Variants in STT3B observed in about 807,000 individuals in gnomAD.
The protein encoded by STT3B is dolichyl-diphosphooligosaccharide--protein glycosyltransferase subunit STT3B.
A neutral mutation model predicts 96.8 loss-of-function variants in STT3B; 29 were observed. The ratio of observed to expected loss-of-function variants is 0.30; its 90% CI spans 0.22 to 0.41. The LOEUF (loss-of-function observed/expected upper bound fraction) is 0.41. STT3B is among the 10% of genes least tolerant of loss of function. The pLI, the probability that STT3B is intolerant of heterozygous loss-of-function variation, is 1.00. For missense variants in STT3B, 640 were observed against 1,022.3 expected (o/e 0.63, Z 5.10); for synonymous variants, 367 against 360.0 (o/e 1.02, Z -0.22).
intron 3 of STT3B, among the ~76,000 whole-genome samples, chr3:31,583,639 CATGTAGTTGG>C (rs150877750): frequency 2.0e-5 from 3 of 152,292 alleles, no homozygotes; most frequent in African/African-American, 7.2e-5. Context: ...TACATAACTG[CATGTAGTTGG>C]ATCATGTGTT....
rs538541023 is a variant in STT3B, at chr3:31,606,970, T to G, written c.877+6511T>G. On this transcript the variant is annotated intron_variant, in intron 5 of 15. Transcript: ENST00000295770. ...ATCAGCGTGACCTGGATGTGAGACA[T>G]GGAGTCAAGGGAGATCATTTTGGAG... is the stretch of plus-strand genomic sequence containing the variant. Among the ~76,000 whole-genome samples, 8 of 152,278 alleles carry G rather than the reference T, an allele frequency of 5.3e-5. No homozygotes were observed. The South Asian group carries it at 1.7e-3, about 32-fold the overall frequency.
At chr3:31,627,582 A>G (rs1382830054) in intron 13 of STT3B, among the ~76,000 whole-genome samples, 3 of 152,266 alleles carry the variant, frequency 2.0e-5, no homozygotes, top group African/African-American at 7.2e-5. Flanking sequence ...GATCCAGAAT[A>G]AAGGAATCTT....
rs149697951 is a variant in STT3B at position 31,580,247 on chromosome 3, A to G, written c.711+151A>G. 131 of 727,254 alleles carry G rather than the reference A, an allele frequency of 1.8e-4. 1 individual carries two copies. In the East Asian group the frequency reaches 3.4e-3, roughly 19 times the overall value. 45.1% of individuals were successfully genotyped at this position (727,254 alleles called of 1,614,324 possible). ...CATAATCAATTTAATAATGGATAACATTTTAAAATATGTTAGGCATCTCTC... is the reference window on the plus strand; with the variant it reads ...CATAATCAATTTAATAATGGATAACGTTTTAAAATATGTTAGGCATCTCTC... On this transcript the variant is annotated intron_variant, in intron 3 of 15. Coordinates refer to ENST00000295770, the MANE Select transcript of STT3B (RefSeq NM_178862.3).
intron 1 of STT3B, among the ~76,000 whole-genome samples, chr3:31,557,339 T>C (rs1346157304): frequency 6.6e-6 from 1 of 152,200 alleles, no homozygotes; most frequent in African/African-American, 2.4e-5. Context: ...TCATGGTTGC[T>C]TTGGCTATTC....
At chr3:31,595,413 G>A (rs1209530501) in intron 3 of STT3B, among the ~76,000 whole-genome samples, 1 of 152,064 alleles carries the variant, frequency 6.6e-6, no homozygotes, top group Non-Finnish European at 1.5e-5. Flanking sequence ...AGGTGGTGTT[G>A]TTTTCCCCTT....
intron 9 of STT3B, 36 bp from the exon 10 acceptor site, chr3:31,622,061 C>A: frequency 6.4e-7 from 1 of 1,569,944 alleles, no homozygotes. Context: ...GGAACTTTTT[C>A]CCTCCAACAT....
intron 3 of STT3B, among the ~76,000 whole-genome samples, chr3:31,591,349 A>G (rs1698659007): frequency 6.6e-6 from 1 of 152,054 alleles, no homozygotes; most frequent in East Asian, 1.9e-4. Flanking sequence ...CTGGATTTTA[A>G]AAGTTTCATT....
At chr3:31,602,930 G>A (rs1165138847) in intron 5 of STT3B, among the ~76,000 whole-genome samples, 2 of 152,074 alleles carry the variant, frequency 1.3e-5, no homozygotes, top group Non-Finnish European at 2.9e-5. Flanking sequence ...GATAGAGCAA[G>A]TGTTGCTCTT....
At chr3:31,555,021 G>T (rs1697669412) in intron 1 of STT3B, among the ~76,000 whole-genome samples, 1 of 152,084 alleles carries the variant, frequency 6.6e-6, no homozygotes, top group South Asian at 2.1e-4. Flanking sequence ...GGATTCCACT[G>T]ACTGGCCTCT....
At chr3:31,593,167 A>G (rs1322276560) in intron 3 of STT3B, among the ~76,000 whole-genome samples, 2 of 152,192 alleles carry the variant, frequency 1.3e-5, no homozygotes, top group Admixed American at 6.5e-5. Flanking sequence ...GTAAGAATAT[A>G]TTAGGTTGGT....
intron 4 of STT3B, among the ~76,000 whole-genome samples, chr3:31,599,712 G>A (rs376690408): frequency 2.5e-4 from 38 of 152,288 alleles, no homozygotes; most frequent in African/African-American, 9.1e-4. Context: ...TATTGGTTGA[G>A]AATGGAGATT....
chr3:31,606,883 G>A (rs530005870), intron 5 of STT3B, among the ~76,000 whole-genome samples: 1 of 152,326 alleles, frequency 6.6e-6, no homozygotes, highest in African/African-American at 2.4e-5. Flanking sequence ...CCAGGAGGGA[G>A]GCTGTACCCT....
chr3:31,623,861 G>A lies in STT3B; in HGVS notation c.1727G>A (p.Gly576Asp). 6.3e-7 allele frequency: 1 copy of A among 1,580,780 alleles called. No homozygotes were observed. The highest frequency in any genetic ancestry group is 8.6e-7 in the Non-Finnish European group (1 of 1,159,904). Residue 576 changes from glycine (G) to aspartate (D), a missense_variant and splice_region_variant, in exon 11 of 16, where the codon GGC becomes GAC. Coordinates refer to ENST00000295770, the MANE Select transcript of STT3B (RefSeq NM_178862.3). ...GTCCTGGCCTCATACAATCATGATG[G>A]GTAAGAAAATAACTCGGATACAAAA... The part of the protein sequence containing the change: ...SVVLASYNHD[G>D]TRNILDDFRE...
chr3:31,564,097 C>T (rs1281483379), intron 1 of STT3B, among the ~76,000 whole-genome samples: 2 of 152,052 alleles, frequency 1.3e-5, no homozygotes, highest in Non-Finnish European at 2.9e-5. Context: ...TTAATTAAAC[C>T]AGTTACACTA....
intron 3 of STT3B, among the ~76,000 whole-genome samples, chr3:31,591,409 C>A (rs1360395125): frequency 1.3e-5 from 2 of 152,062 alleles, no homozygotes; most frequent in Non-Finnish European, 2.9e-5. Context: ...ACCATCTCTG[C>A]CTTTTTATTG....
Position 31,637,476 on chromosome 3 carries a change from A to C in STT3B, c.*1412A>C, listed in dbSNP as rs1322259940. The C allele has an allele frequency of 6.6e-6, 1 of 152,208 alleles. No homozygotes were observed. Among genetic ancestry groups the C allele is most frequent in the Non-Finnish European group, 1.5e-5 (1 of 68,010 alleles). 9.4% of individuals were successfully genotyped at this position (152,208 alleles called of 1,614,324 possible). A position where few individuals can be genotyped will look rare whatever the true frequency, so the allele number is the denominator to read the frequency against. ...CCTTTACAGAACAATAAAATGGCTG[A>C]ACATTTTCACAAATAGAGTGTAACG... is the stretch of plus-strand genomic sequence containing the variant. On this transcript the variant is annotated 3_prime_UTR_variant, in exon 16 of 16. Coordinates refer to ENST00000295770, the MANE Select transcript of STT3B (RefSeq NM_178862.3).
intron 1 of STT3B, among the ~76,000 whole-genome samples, chr3:31,541,998 A>T (rs976961661): frequency 3.3e-5 from 5 of 152,156 alleles, no homozygotes; most frequent in African/African-American, 4.8e-5. Flanking sequence ...CTTGAGATTT[A>T]AAAAAATTAT....
chr3:31,548,233 T>C (rs1697462793), intron 1 of STT3B, among the ~76,000 whole-genome samples: 1 of 152,178 alleles, frequency 6.6e-6, no homozygotes, highest in African/African-American at 2.4e-5. Flanking sequence ...ATAATGCTGA[T>C]ATAATGTTAC....
intron 5 of STT3B, among the ~76,000 whole-genome samples, chr3:31,602,254 T>A (rs1206378138): frequency 2.0e-5 from 3 of 152,060 alleles, no homozygotes; most frequent in Non-Finnish European, 4.4e-5. Context: ...AAAAACACTA[T>A]AAACAGTAGT....
Sources: allele counts gnomAD v4.1 joint callset (sites outside exome capture counted in the v4.1 genomes callset), GRCh38; gene constraint gnomAD v4.1.1; transcripts MANE v1.5; gene names NCBI Gene and HGNC (gene_info 2026-07-23, HGNC 2026-07-21).